TMEM123: variants seen among roughly 807,000 people sequenced by gnomAD.
TMEM123 encodes porimin.
A neutral mutation model predicts 19.7 loss-of-function variants in TMEM123; 16 were observed. The observed-to-expected ratio is 0.81, with a 90% confidence interval of 0.55 to 1.23. The LOEUF (loss-of-function observed/expected upper bound fraction) is 1.23, where lower values mean the gene tolerates loss of function less well. Ranked by LOEUF, TMEM123 falls within the 50% of genes most tolerant of loss-of-function variation. The pLI is 0.00. For missense variants in TMEM123, 313 were observed against 257.8 expected, an observed-to-expected ratio of 1.21 and a Z score of -1.47; for synonymous variants, 118 against 99.4, an observed-to-expected ratio of 1.19 and a Z score of -1.12.
rs1417463183 is a variant in TMEM123, at chr11:102,452,758, C to T, written c.-135G>A. ...CACGTTTCCCCTCCCGCCGCTTGCC[C>T]CCCGAATGACCAAATAGGGCGCAGG... is the stretch of plus-strand genomic sequence containing the variant. On this transcript the variant is annotated 5_prime_UTR_variant, in exon 1 of 5. Coordinates refer to ENST00000398136, the MANE Select transcript of TMEM123 (RefSeq NM_052932.3). 7 of 613,718 alleles carry T rather than the reference C, an allele frequency of 1.1e-5. No homozygotes were observed. Among genetic ancestry groups the T allele is most frequent in the Non-Finnish European group, 1.7e-5 (7 of 411,338 alleles). 38.0% of individuals were successfully genotyped at this position (613,718 alleles called of 1,614,324 possible).
intron 2 of TMEM123, among the ~76,000 whole-genome samples, chr11:102,406,270 T>C (rs759363727): frequency 6.6e-6 from 1 of 152,120 alleles, no homozygotes; most frequent in African/African-American, 2.4e-5. Context: ...GGGTGTCCAC[T>C]CCCTCCTCTG....
At chr11:102,400,051 A>G (rs1315004159) in intron 4 of TMEM123, among the ~76,000 whole-genome samples, 2 of 152,334 alleles carry the variant, frequency 1.3e-5, no homozygotes, top group East Asian at 3.9e-4. Context: ...ATTTTCATTT[A>G]TGATGCGATG....
At position 102,398,729 on chromosome 11, in the gene TMEM123, C is replaced by T. The variant is rs747991521; in HGVS notation, c.*138G>A. The T allele has an allele frequency of 5.5e-5, 45 of 814,312 alleles. No homozygotes were observed. The highest frequency in any genetic ancestry group is 2.4e-4 in the Middle Eastern group (1 of 4,170). The allele number at this position is 814,312 out of a possible 1,614,324, so 50.4% of individuals were successfully genotyped here. A position where few individuals can be genotyped will look rare whatever the true frequency, so the allele number is the denominator to read the frequency against. On this transcript the variant is annotated 3_prime_UTR_variant, in exon 5 of 5. Transcript: ENST00000398136. ...ACCTTGAAGAATCTTTACATATTTA[C>T]GTAATACACTGTACATTATATGCAT...
chr11:102,431,170 T>TAA (rs918270635), intron 2 of TMEM123, among the ~76,000 whole-genome samples: 3 of 151,428 alleles, frequency 2.0e-5, no homozygotes, highest in Non-Finnish European at 4.4e-5. Context: ...GTGGGATACT[T>TAA]AAAAAAAAAC....
chr11:102,400,898 G>A (rs572542904), intron 4 of TMEM123, among the ~76,000 whole-genome samples: 4 of 151,976 alleles, frequency 2.6e-5, no homozygotes, highest in African/African-American at 9.7e-5. Flanking sequence ...CAACACGTAA[G>A]ACTCAAAAAA....
At chr11:102,440,195 A>G (rs1471126572) in intron 2 of TMEM123, among the ~76,000 whole-genome samples, 2 of 152,228 alleles carry the variant, frequency 1.3e-5, no homozygotes, top group Non-Finnish European at 2.9e-5. Flanking sequence ...GGAAATACAG[A>G]GAACACCACA....
intron 2 of TMEM123, among the ~76,000 whole-genome samples, chr11:102,425,863 T>C (rs942264301): frequency 6.6e-6 from 1 of 152,216 alleles, no homozygotes; most frequent in Non-Finnish European, 1.5e-5. Flanking sequence ...TGAGCCATTG[T>C]GCCCGGCCCT....
intron 2 of TMEM123, among the ~76,000 whole-genome samples, chr11:102,442,989 G>C (rs1189514998): frequency 6.6e-6 from 1 of 152,106 alleles, no homozygotes; most frequent in Middle Eastern, 3.2e-3. Context: ...CAACTTACAA[G>C]GCATGTGAAG....
intron 2 of TMEM123, among the ~76,000 whole-genome samples, chr11:102,415,025 AAAC>A (rs562430726): frequency 7.4e-4 from 112 of 152,328 alleles, no homozygotes; most frequent in African/African-American, 2.7e-3. Context: ...GTAAATCAAA[AAAC>A]AACAGAGGTT....
At chr11:102,416,555 A>G (rs1952045052) in intron 2 of TMEM123, among the ~76,000 whole-genome samples, 1 of 152,136 alleles carries the variant, frequency 6.6e-6, no homozygotes, top group African/African-American at 2.4e-5. Flanking sequence ...CTTGGACCAG[A>G]CCGATTCACA....
intron 2 of TMEM123, among the ~76,000 whole-genome samples, chr11:102,434,801 G>C (rs1482628598): frequency 1.3e-5 from 2 of 151,740 alleles, no homozygotes; most frequent in African/African-American, 4.8e-5. Context: ...TCATTCTTCT[G>C]CATGTGGATA....
chr11:102,408,194 T>C (rs1295560669), intron 2 of TMEM123, among the ~76,000 whole-genome samples: 1 of 152,188 alleles, frequency 6.6e-6, no homozygotes, highest in Non-Finnish European at 1.5e-5. Context: ...AATAACACCA[T>C]CCATGCACCT....
Position 102,438,739 on chromosome 11 carries a change from T to C in TMEM123, c.157+10073A>G, listed in dbSNP as rs546185542. Among the ~76,000 whole-genome samples, 20 of 152,284 alleles carry C rather than the reference T, an allele frequency of 1.3e-4. 1 individual carries two copies. In the East Asian group the frequency reaches 3.9e-3, roughly 29 times the overall value. On this transcript the variant is annotated intron_variant, in intron 2 of 4. Coordinates refer to ENST00000398136, the MANE Select transcript of TMEM123 (RefSeq NM_052932.3). ...GTACCAGGTTCATCTCACTGGGGCTTGTCGGACAGTGGCTGCAGCCCACAG... is the reference window on the plus strand; with the variant it reads ...GTACCAGGTTCATCTCACTGGGGCTCGTCGGACAGTGGCTGCAGCCCACAG...
At chr11:102,443,343 C>T (rs1255720903) in intron 2 of TMEM123, among the ~76,000 whole-genome samples, 1 of 152,144 alleles carries the variant, frequency 6.6e-6, no homozygotes, top group Non-Finnish European at 1.5e-5. Context: ...TGGTACCAAA[C>T]AGAGATATAG....
At chr11:102,427,931 C>G (rs1952143531) in intron 2 of TMEM123, among the ~76,000 whole-genome samples, 1 of 151,870 alleles carries the variant, frequency 6.6e-6, no homozygotes, top group African/African-American at 2.4e-5. Flanking sequence ...CTCTGAGATT[C>G]AGAAAAGAAT....
rs370740204 is a variant in TMEM123 at position 102,402,113 on chromosome 11, G to T, written c.251C>A (p.Thr84Lys). ...PTSVASDSSN[T>K]TVTTMKPTAA... Reference sequence around the variant, plus strand: ...TGTAGGTTTCATGGTGGTGACCGTTGTATTACTGGAGTCTGAGGCAACTGA... The same window carrying T: ...TGTAGGTTTCATGGTGGTGACCGTTTTATTACTGGAGTCTGAGGCAACTGA... The change falls in exon 3 of 5, where the codon ACA becomes AAA. Residue 84 changes from threonine (T) to lysine (K), a missense_variant. Coordinates refer to ENST00000398136, the MANE Select transcript of TMEM123 (RefSeq NM_052932.3). 9.9e-5 allele frequency: 159 copies of T among 1,614,022 alleles called. No homozygotes were observed. Among genetic ancestry groups the T allele is most frequent in the Non-Finnish European group, 1.3e-4 (154 of 1,180,012 alleles).
At chr11:102,401,729 ATTTTTT>A (rs139978855) in intron 3 of TMEM123, 37 bp from the exon 4 acceptor site, 3 of 1,297,164 alleles carry the variant, frequency 2.3e-6, no homozygotes, top group Non-Finnish European at 1.0e-6. Flanking sequence ...CTTTAGCGTT[ATTTTTT>A]TTTTTTTAAC....
At chr11:102,421,610 A>C (rs1399495223) in intron 2 of TMEM123, among the ~76,000 whole-genome samples, 16 of 152,190 alleles carry the variant, frequency 1.1e-4, no homozygotes. Flanking sequence ...AATAATTTTA[A>C]TTCATTGTGT....
chr11:102,423,611 CAT>C (rs1264633629), intron 2 of TMEM123, among the ~76,000 whole-genome samples: 10 of 152,214 alleles, frequency 6.6e-5, no homozygotes, highest in African/African-American at 1.9e-4. Flanking sequence ...ACTCCTGACA[CAT>C]AGGAACCATG....
Sources: allele counts gnomAD v4.1 joint callset (sites outside exome capture counted in the v4.1 genomes callset), GRCh38; gene constraint gnomAD v4.1.1; transcripts MANE v1.5; gene names NCBI Gene and HGNC (gene_info 2026-07-23, HGNC 2026-07-21).